FHIP1A: variants seen among roughly 807,000 people sequenced by gnomAD.
FHIP1A encodes the protein FHF complex subunit HOOK interacting protein 1A.
FHIP1A carries 61 observed loss-of-function variants against 88.6 expected under a neutral mutation model. The ratio of observed to expected loss-of-function variants is 0.69; its 90% confidence interval spans 0.56 to 0.85. The LOEUF (loss-of-function observed/expected upper bound fraction) is 0.85, where lower values mean the gene tolerates loss of function less well. FHIP1A is among the 40% of genes least tolerant of loss of function. FHIP1A has a pLI of 0.00. For synonymous variants in FHIP1A, 478 were observed against 496.0 expected (o/e 0.96, Z 0.48); for missense variants, 1,154 against 1,273.5 (o/e 0.91, Z 1.43).
intron 7 of FHIP1A, among the ~76,000 whole-genome samples, chr4:151,623,107 G>A (rs914595348): frequency 1.3e-5 from 2 of 152,218 alleles, no homozygotes; most frequent in African/African-American, 4.8e-5. Context: ...GCCAACGCTA[G>A]TTGCAGCATC....
At chr4:151,447,009 T>G (rs72725994) in intron 1 of FHIP1A, among the ~76,000 whole-genome samples, 1,834 of 152,314 alleles carry the variant, frequency 0.012, 14 homozygotes, top group Non-Finnish European at 0.018. Context: ...AATTATAACA[T>G]TAATTAGTAA....
intron 3 of FHIP1A, among the ~76,000 whole-genome samples, chr4:151,484,436 A>G (rs968756906): frequency 5.3e-5 from 8 of 152,162 alleles, no homozygotes; most frequent in Admixed American, 5.2e-4. Context: ...ACAAAAACAA[A>G]TATATGTAAA....
intron 3 of FHIP1A, among the ~76,000 whole-genome samples, chr4:151,487,919 A>G (rs2126642844): frequency 6.6e-6 from 1 of 152,326 alleles, no homozygotes; most frequent in South Asian, 2.1e-4. Context: ...CCAGAAATCT[A>G]GGATTATCCT....
intron 3 of FHIP1A, among the ~76,000 whole-genome samples, chr4:151,531,965 A>G (rs1731891864): frequency 1.3e-5 from 2 of 152,254 alleles, no homozygotes; most frequent in South Asian, 4.1e-4. Flanking sequence ...TGTAAAAGAA[A>G]GTTACAAAAT....
At chr4:151,650,690 G>A (rs998105905) in intron 11 of FHIP1A, 98 bp downstream of exon 11, 50 of 1,427,698 alleles carry the variant, frequency 3.5e-5, no homozygotes, top group Non-Finnish European at 4.4e-5. Context: ...GATATTATCG[G>A]TTTGTCTAAC....
chr4:151,572,025 T>C (rs972102762), intron 4 of FHIP1A, among the ~76,000 whole-genome samples: 8 of 152,138 alleles, frequency 5.3e-5, no homozygotes, highest in Admixed American at 3.3e-4. Context: ...CTGGCCAACA[T>C]GGTGAAACAC....
intron 3 of FHIP1A, among the ~76,000 whole-genome samples, chr4:151,511,168 CA>C (rs1444361909): frequency 6.6e-6 from 1 of 152,284 alleles, no homozygotes; most frequent in African/African-American, 2.4e-5. Context: ...ATGTATTATT[CA>C]ATCTAAAATT....
intron 3 of FHIP1A, among the ~76,000 whole-genome samples, chr4:151,524,845 G>A (rs2126700609): frequency 6.6e-6 from 1 of 152,312 alleles, no homozygotes; most frequent in South Asian, 2.1e-4. Flanking sequence ...AATGCCTTTG[G>A]AAAGGAAGTG....
chr4:151,631,340 T>C (rs1187220319), intron 8 of FHIP1A, among the ~76,000 whole-genome samples: 4 of 151,972 alleles, frequency 2.6e-5, no homozygotes, highest in Non-Finnish European at 4.4e-5. Flanking sequence ...ATTAGGACCA[T>C]GAGCAACTAT....
intron 5 of FHIP1A, 99 bp from the exon 6 acceptor site, chr4:151,586,542 T>C (rs1734220453): frequency 3.2e-6 from 3 of 929,752 alleles, no homozygotes; most frequent in Non-Finnish European, 4.8e-6. Flanking sequence ...CTTAAAGATA[T>C]AGTTTTGGGA....
At chr4:151,547,248 A>G (rs1051954263) in intron 3 of FHIP1A, among the ~76,000 whole-genome samples, 2 of 149,976 alleles carry the variant, frequency 1.3e-5, no homozygotes, top group African/African-American at 4.8e-5. Context: ...GTTAGAAAGA[A>G]GGTATGTCTG....
intron 7 of FHIP1A, among the ~76,000 whole-genome samples, chr4:151,611,149 G>A (rs182047348): frequency 5.5e-4 from 84 of 152,212 alleles, no homozygotes; most frequent in Admixed American, 5.5e-3. Flanking sequence ...GGTCAGGTTA[G>A]GTTGATGAAC....
chr4:151,627,364 T>C (rs573066605), intron 7 of FHIP1A, among the ~76,000 whole-genome samples: 1 of 152,280 alleles, frequency 6.6e-6, no homozygotes, highest in African/African-American at 2.4e-5. Flanking sequence ...AGACTTGTAG[T>C]CTAAGGAGTT....
At position 151,563,998 on chromosome 4, in the gene FHIP1A, CAACAACAACAACCAACA is replaced by C. The variant is rs565373819; in HGVS notation, c.-122-2127_-122-2111del. 7.0e-4 allele frequency among the ~76,000 whole-genome samples: 107 copies of C among 152,128 alleles called. 1 individual carries two copies. In the East Asian group the frequency reaches 0.019, roughly 27 times the overall value. ...GATTGAGACCCTGTCTCTAATAAAA[CAACAACAACAACCAACA>C]AACAACAACAACAGCAAACTAGTAA... On this transcript the variant is annotated intron_variant, in intron 3 of 13. Coordinates refer to ENST00000435205, the MANE Select transcript of FHIP1A (RefSeq NM_001109977.3).
At chr4:151,494,871 G>A (rs1025016983) in intron 3 of FHIP1A, among the ~76,000 whole-genome samples, 4 of 152,032 alleles carry the variant, frequency 2.6e-5, no homozygotes, top group African/African-American at 9.7e-5. Flanking sequence ...GACGATTTTG[G>A]ACTTCTCATT....
chr4:151,410,233 A>C (rs1465529811), intron 1 of FHIP1A, among the ~76,000 whole-genome samples: 2 of 152,232 alleles, frequency 1.3e-5, no homozygotes, highest in Admixed American at 6.5e-5. Flanking sequence ...ACCCATTCAC[A>C]GCAGATCTAG....
chr4:151,531,217 G>C (rs1180857225), intron 3 of FHIP1A, among the ~76,000 whole-genome samples: 2 of 151,682 alleles, frequency 1.3e-5, no homozygotes, highest in East Asian at 3.9e-4. Context: ...GCCTTCATCT[G>C]CTTGGTCATA....
chr4:151,452,955 TACACAC>T (rs374067458), intron 1 of FHIP1A, among the ~76,000 whole-genome samples: 5 of 147,806 alleles, frequency 3.4e-5, no homozygotes, highest in Non-Finnish European at 6.0e-5. Context: ...TATATATACA[TACACAC>T]ACACACACAC....
At chr4:151,410,384 A>G (rs1048042025) in intron 1 of FHIP1A, among the ~76,000 whole-genome samples, 3 of 152,250 alleles carry the variant, frequency 2.0e-5, no homozygotes, top group African/African-American at 7.2e-5. Flanking sequence ...TTGCTTCCCT[A>G]TAGATTGGGC....
Sources: gnomAD v4.1 joint callset for allele counts (sites outside exome capture counted in the v4.1 genomes callset) on GRCh38, gnomAD v4.1.1 for gene constraint, MANE v1.5 for transcripts, NCBI Gene and HGNC (gene_info 2026-07-23, HGNC 2026-07-21) for gene names.